EXOC4: variants seen among roughly 807,000 people sequenced by gnomAD.
EXOC4 encodes SEC8-like 1.
EXOC4 carries 71 observed loss-of-function variants against 107.2 expected under a neutral mutation model. The ratio of observed to expected loss-of-function variants is 0.66; its 90% confidence interval spans 0.55 to 0.81. EXOC4 has a LOEUF of 0.81. Ranked by LOEUF, EXOC4 falls within the 30% of genes least tolerant of loss-of-function variation. The pLI is 0.00. For synonymous variants in EXOC4, 456 were observed against 441.2 expected (o/e 1.03, Z -0.42); for missense variants, 1,108 against 1,189.6 (o/e 0.93, Z 1.01).
intron 9 of EXOC4, among the ~76,000 whole-genome samples, chr7:133,508,860 A>G (rs1217809298): frequency 6.6e-6 from 1 of 152,150 alleles, no homozygotes; most frequent in Non-Finnish European, 1.5e-5. Flanking sequence ...GGCATACCAC[A>G]CTATTGAAAA....
At chr7:133,822,109 G>A (rs971931390) in intron 11 of EXOC4, among the ~76,000 whole-genome samples, 3 of 152,136 alleles carry the variant, frequency 2.0e-5, no homozygotes, top group Non-Finnish European at 4.4e-5. Context: ...CTGCAGAATG[G>A]CCTCCACCTG....
At chr7:134,060,657 G>A (rs911643561) in intron 17 of EXOC4, among the ~76,000 whole-genome samples, 1 of 152,148 alleles carries the variant, frequency 6.6e-6, no homozygotes, top group Non-Finnish European at 1.5e-5. Context: ...CATTCTAATG[G>A]TATAGTTTGG....
At chr7:133,542,868 T>A (rs1219554610) in intron 9 of EXOC4, among the ~76,000 whole-genome samples, 4 of 152,018 alleles carry the variant, frequency 2.6e-5, no homozygotes, top group Non-Finnish European at 5.9e-5. Context: ...TTCAGAAAAA[T>A]TTTATTTTTT....
Position 133,916,334 on chromosome 7 carries a change from A to G in EXOC4, c.1872-1249A>G, listed in dbSNP as rs1386657663. 3.3e-5 allele frequency among the ~76,000 whole-genome samples: 5 copies of G among 152,356 alleles called. No individual in the cohort carries two copies. The South Asian group carries it at 6.2e-4, about 19-fold the overall frequency. ...CCCAGTTCCTAACAGGCCATGGACC[A>G]GGACCAGTCCGTGGCCCAGGGGTTG... On this transcript the variant is annotated intron_variant, in intron 12 of 17. Coordinates refer to ENST00000253861, the MANE Select transcript of EXOC4 (RefSeq NM_021807.4).
At chr7:133,496,983 C>T (rs1406128988) in intron 9 of EXOC4, among the ~76,000 whole-genome samples, 1 of 152,190 alleles carries the variant, frequency 6.6e-6, no homozygotes, top group Non-Finnish European at 1.5e-5. Context: ...AGGTGCTCTT[C>T]TGTTAGCCTC....
chr7:133,402,281 G>T (rs1797107280), intron 7 of EXOC4, among the ~76,000 whole-genome samples: 12 of 152,208 alleles, frequency 7.9e-5, no homozygotes, highest in Admixed American at 7.8e-4. Context: ...GGTAAAATTT[G>T]AAGGCTGCTG....
chr7:133,645,476 T>A (rs534861062), intron 10 of EXOC4, among the ~76,000 whole-genome samples: 11 of 152,230 alleles, frequency 7.2e-5, no homozygotes, highest in Admixed American at 5.9e-4. Context: ...GCAGGTTATT[T>A]CCTGAGTATT....
intron 7 of EXOC4, among the ~76,000 whole-genome samples, chr7:133,434,322 G>T (rs1797919554): frequency 6.6e-6 from 1 of 151,888 alleles, no homozygotes; most frequent in Admixed American, 6.6e-5. Flanking sequence ...TATTTCAAAG[G>T]GTATTAGAAC....
rs117526726 is a variant in EXOC4 at position 133,408,473 on chromosome 7, G to A, written c.1182+33471G>A. ...TGGTAGAGATGATGGTGATGATGAT[G>A]ATGGAGGTCACAGTAGGGTGGTAAG... On this transcript the variant is annotated intron_variant, in intron 7 of 17. Coordinates refer to ENST00000253861, the MANE Select transcript of EXOC4 (RefSeq NM_021807.4). 1.7e-3 allele frequency among the ~76,000 whole-genome samples: 251 copies of A among 151,826 alleles called. 6 individuals carry two copies. The East Asian group carries it at 0.043, about 26-fold the overall frequency.
chr7:133,313,120 T>C (rs1241946804), intron 4 of EXOC4, among the ~76,000 whole-genome samples: 1 of 151,216 alleles, frequency 6.6e-6, no homozygotes, highest in East Asian at 1.9e-4. Flanking sequence ...TATGTTGGTT[T>C]TCTTTTTATC....
At chr7:134,016,699 A>G (rs906901138) in intron 17 of EXOC4, among the ~76,000 whole-genome samples, 2 of 152,250 alleles carry the variant, frequency 1.3e-5, no homozygotes, top group Admixed American at 6.5e-5. Flanking sequence ...GGCATAGCTG[A>G]GAATGTTGAA....
intron 14 of EXOC4, among the ~76,000 whole-genome samples, chr7:133,992,961 G>T (rs1429337839): frequency 1.3e-5 from 2 of 151,642 alleles, no homozygotes; most frequent in Non-Finnish European, 2.9e-5. Flanking sequence ...ATCATGAAGG[G>T]ATATTGAATT....
intron 14 of EXOC4, among the ~76,000 whole-genome samples, chr7:133,987,935 A>G (rs1185266043): frequency 6.6e-6 from 1 of 152,208 alleles, no homozygotes; most frequent in African/African-American, 2.4e-5. Flanking sequence ...AATGAGTCCA[A>G]TTTTAACTAA....
chr7:133,373,962 T>C (rs970542120), intron 6 of EXOC4, among the ~76,000 whole-genome samples: 4 of 152,136 alleles, frequency 2.6e-5, no homozygotes, highest in African/African-American at 9.7e-5. Flanking sequence ...ATAAGTTCCT[T>C]AAAAGCAGAC....
chr7:134,004,192 A>G (rs1019950361), intron 15 of EXOC4, among the ~76,000 whole-genome samples: 3 of 152,146 alleles, frequency 2.0e-5, no homozygotes, highest in Non-Finnish European at 4.4e-5. Flanking sequence ...TTTCTTACAA[A>G]TTCATAGAGG....
At chr7:133,676,927 C>CTGTG (rs559035446) in intron 10 of EXOC4, among the ~76,000 whole-genome samples, 3,173 of 124,646 alleles carry the variant, frequency 0.025, 146 homozygotes, top group African/African-American at 0.069. Flanking sequence ...GTAGTAAACT[C>CTGTG]TGTGTGTGTG....
chr7:133,839,396 A>G (rs1024544755), intron 11 of EXOC4, among the ~76,000 whole-genome samples: 2 of 152,256 alleles, frequency 1.3e-5, no homozygotes, highest in Admixed American at 6.5e-5. Flanking sequence ...AGTTAACAGG[A>G]GCAAGTCTTG....
intron 10 of EXOC4, among the ~76,000 whole-genome samples, chr7:133,663,087 C>G (rs1356944771): frequency 6.6e-6 from 1 of 152,156 alleles, no homozygotes; most frequent in East Asian, 1.9e-4. Flanking sequence ...TCCTGCTGAT[C>G]AGAACAAAGT....
At chr7:133,647,244 A>C (rs1178455624) in intron 10 of EXOC4, among the ~76,000 whole-genome samples, 1 of 152,168 alleles carries the variant, frequency 6.6e-6, no homozygotes, top group Non-Finnish European at 1.5e-5. Context: ...AAGTCTGGGC[A>C]TGTTAGGATA....
Sources: gnomAD v4.1 joint callset for allele counts (sites outside exome capture counted in the v4.1 genomes callset) on GRCh38, gnomAD v4.1.1 for gene constraint, MANE v1.5 for transcripts, NCBI Gene and HGNC (gene_info 2026-07-23, HGNC 2026-07-21) for gene names.